Variants in B3GLCT observed in about 807,000 individuals in gnomAD.
B3GLCT encodes the protein beta-1,3-glucosyltransferase.
B3GLCT carries 65 observed loss-of-function variants against 63.4 expected under a neutral mutation model. The observed-to-expected ratio is 1.03, with a 90% CI of 0.84 to 1.26. The LOEUF is 1.26. Ranked by LOEUF, B3GLCT falls within the 50% of genes most tolerant of loss-of-function variation. The pLI, the probability that B3GLCT is intolerant of heterozygous loss-of-function variation, is 0.00. For missense variants in B3GLCT, 577 were observed against 604.8 expected, an observed-to-expected ratio of 0.95 and a Z score of 0.48; for synonymous variants, 233 against 219.2, an observed-to-expected ratio of 1.06 and a Z score of -0.55.
At chr13:31,280,815 T>G (rs955000059) in intron 10 of B3GLCT, among the ~76,000 whole-genome samples, 3 of 152,186 alleles carry the variant, frequency 2.0e-5, no homozygotes, top group African/African-American at 7.2e-5. Flanking sequence ...AAAAATATAC[T>G]CTGTCTTTTG....
intron 4 of B3GLCT, 72 bp from the exon 5 acceptor site, chr13:31,246,951 C>CTTTTCTTTTTT: frequency 7.7e-6 from 6 of 778,754 alleles, no homozygotes; most frequent in South Asian, 3.6e-5. Context: ...CTTTTCTTTT[C>CTTTTCTTTTTT]TTTTTTTTTT....
chr13:31,228,736 T>C (rs1269989498), intron 3 of B3GLCT, among the ~76,000 whole-genome samples: 1 of 152,242 alleles, frequency 6.6e-6, no homozygotes, highest in Non-Finnish European at 1.5e-5. Context: ...TCTGAGGTAT[T>C]GGGGGTTAGG....
At chr13:31,216,229 C>A (rs560542706) in intron 2 of B3GLCT, among the ~76,000 whole-genome samples, 1 of 152,106 alleles carries the variant, frequency 6.6e-6, no homozygotes, top group Non-Finnish European at 1.5e-5. Flanking sequence ...TAATTTCTTA[C>A]GATTTTAGGA....
intron 4 of B3GLCT, among the ~76,000 whole-genome samples, chr13:31,236,622 A>G (rs1323795034): frequency 6.6e-6 from 1 of 152,218 alleles, no homozygotes; most frequent in Non-Finnish European, 1.5e-5. Context: ...GTTATGACCA[A>G]ACTTTAATTT....
chr13:31,217,392 G>T (rs577211299), intron 2 of B3GLCT, among the ~76,000 whole-genome samples: 16 of 152,108 alleles, frequency 1.1e-4, no homozygotes, highest in African/African-American at 2.7e-4. Context: ...CCATTCTGTA[G>T]GTTATCTGTT....
At chr13:31,230,339 G>A (rs1387662408) in intron 4 of B3GLCT, among the ~76,000 whole-genome samples, 3 of 152,172 alleles carry the variant, frequency 2.0e-5, no homozygotes, top group South Asian at 2.1e-4. Context: ...CTTCAAGACC[G>A]AAGTGCTTGC....
At chr13:31,276,648 G>C in intron 9 of B3GLCT, 54 bp from the exon 10 acceptor site, 2 of 1,096,584 alleles carry the variant, frequency 1.8e-6, no homozygotes, top group South Asian at 2.5e-5. Flanking sequence ...TAGTGTGGGT[G>C]TGAAGTTAAC....
chr13:31,331,162 A>C lies in B3GLCT; in HGVS notation c.*1494A>C, dbSNP rs1021201662. 4 of 152,156 alleles carry C rather than the reference A, an allele frequency of 2.6e-5. No individual in the cohort carries two copies. The highest frequency in any genetic ancestry group is 9.7e-5 in the African/African-American group (4 of 41,420). 9.4% of individuals were successfully genotyped at this position (152,156 alleles called of 1,614,324 possible). A position where few individuals can be genotyped will look rare whatever the true frequency, so the allele number is the denominator to read the frequency against. ...TCTAGATCGCTTCAAGCCTATACTG[A>C]TGGCCTTAGCTTTGTTCAGTCATTG... On this transcript the variant is annotated 3_prime_UTR_variant, in exon 15 of 15. Coordinates refer to ENST00000343307, the MANE Select transcript of B3GLCT (RefSeq NM_194318.4).
At chr13:31,226,971 T>C (rs773774000) in intron 3 of B3GLCT, among the ~76,000 whole-genome samples, 8 of 152,226 alleles carry the variant, frequency 5.3e-5, no homozygotes, top group Non-Finnish European at 1.0e-4. Flanking sequence ...TTTTATACCT[T>C]CACATGCTAT....
At chr13:31,238,646 G>A (rs1870775170) in intron 4 of B3GLCT, among the ~76,000 whole-genome samples, 1 of 152,190 alleles carries the variant, frequency 6.6e-6, no homozygotes, top group African/African-American at 2.4e-5. Flanking sequence ...TACAGAATCA[G>A]TGTTTTAAAG....
At chr13:31,314,671 A>G (rs1874897259) in intron 12 of B3GLCT, among the ~76,000 whole-genome samples, 2 of 152,174 alleles carry the variant, frequency 1.3e-5, no homozygotes, top group Admixed American at 6.5e-5. Context: ...ACACTGGACT[A>G]TGGACTTTTG....
At chr13:31,317,771 A>T in intron 13 of B3GLCT, 86 bp downstream of exon 13, 1 of 1,535,720 alleles carries the variant, frequency 6.5e-7, no homozygotes, top group Non-Finnish European at 9.0e-7. Flanking sequence ...ACTGGGATCT[A>T]TACTGTACGT....
intron 12 of B3GLCT, among the ~76,000 whole-genome samples, chr13:31,310,768 G>T (rs1368222524): frequency 2.0e-5 from 3 of 152,240 alleles, no homozygotes; most frequent in Admixed American, 6.5e-5. Context: ...GAGCAAAAGG[G>T]TAACACCCCT....
chr13:31,293,769 G>T (rs979249038), intron 12 of B3GLCT, among the ~76,000 whole-genome samples: 1 of 152,108 alleles, frequency 6.6e-6, no homozygotes, highest in Admixed American at 6.5e-5. Flanking sequence ...CAATTTGCCA[G>T]TCTGTGTCTT....
At chr13:31,236,681 T>G (rs1250420057) in intron 4 of B3GLCT, among the ~76,000 whole-genome samples, 1 of 152,236 alleles carries the variant, frequency 6.6e-6, no homozygotes, top group Non-Finnish European at 1.5e-5. Flanking sequence ...ATTTCATTTT[T>G]GGGTTAACAA....
chr13:31,287,354 ACACT>A, intron 12 of B3GLCT, among the ~76,000 whole-genome samples: 1 of 152,302 alleles, frequency 6.6e-6, no homozygotes, highest in East Asian at 1.9e-4. Context: ...ATTGTGCCTG[ACACT>A]CACACATGCC....
intron 13 of B3GLCT, 141 bp downstream of exon 13, chr13:31,317,826 C>G (rs1875130299): frequency 9.9e-7 from 1 of 1,011,778 alleles, no homozygotes; most frequent in Admixed American, 2.2e-5. Context: ...GGAAAGTGAA[C>G]ATTATATTTG....
chr13:31,240,452 G>C (rs934886532), intron 4 of B3GLCT, among the ~76,000 whole-genome samples: 3 of 147,768 alleles, frequency 2.0e-5, no homozygotes, highest in Admixed American at 6.9e-5. Context: ...AAAGAGTTAG[G>C]CCCTTGCCTC....
chr13:31,272,218 C>CTTT lies in B3GLCT; in HGVS notation c.661-2278_661-2276dup, dbSNP rs11433454. 3.2e-4 allele frequency among the ~76,000 whole-genome samples: 44 copies of CTTT among 136,236 alleles called. 1 individual carries two copies. The highest frequency in any genetic ancestry group is 9.0e-4 in the African/African-American group (33 of 36,606). The allele number at this position is 136,236 out of a possible 152,430, so 89.4% of individuals were successfully genotyped here. A position where few individuals can be genotyped will look rare whatever the true frequency, so the allele number is the denominator to read the frequency against. On this transcript the variant is annotated intron_variant, in intron 8 of 14. Coordinates refer to ENST00000343307, the MANE Select transcript of B3GLCT (RefSeq NM_194318.4). ...CCCCTCTCCTTATTTTCTATTTTTCCTTTTTTTTTTTTTTTGAGACAGAGT... is the reference window on the plus strand; with the variant it reads ...CCCCTCTCCTTATTTTCTATTTTTCCTTTTTTTTTTTTTTTTTTGAGACAGAGT...
Sources: gnomAD v4.1 joint callset for allele counts (sites outside exome capture counted in the v4.1 genomes callset) on GRCh38, gnomAD v4.1.1 for gene constraint, MANE v1.5 for transcripts, NCBI Gene and HGNC (gene_info 2026-07-23, HGNC 2026-07-21) for gene names.